PRPF18: variants seen among roughly 807,000 people sequenced by gnomAD.
PRPF18 encodes pre-mRNA processing factor 18, also known as pre-mRNA-splicing factor 18.
PRPF18 carries 38 observed loss-of-function variants against 46.5 expected under a neutral mutation model. That is an observed-to-expected ratio of 0.82 (90% CI 0.63 to 1.07). The LOEUF is 1.07. Ranked by LOEUF, PRPF18 falls within the 50% of genes least tolerant of loss-of-function variation. The pLI is 0.00. For synonymous variants in PRPF18, 152 were observed against 146.7 expected (o/e 1.04, Z -0.26); for missense variants, 263 against 410.0 (o/e 0.64, Z 3.10).
At chr10:13,606,024 C>A (rs918465783) in intron 4 of PRPF18, among the ~76,000 whole-genome samples, 1 of 152,020 alleles carries the variant, frequency 6.6e-6, no homozygotes, top group Admixed American at 6.5e-5. Context: ...GGAAGAATAG[C>A]GAATGGATGC....
At chr10:13,616,265 A>T in intron 8 of PRPF18, 133 bp from the exon 9 acceptor site, 1 of 864,210 alleles carries the variant, frequency 1.2e-6, no homozygotes, top group Non-Finnish European at 1.8e-6. Context: ...AATAACAGTC[A>T]TGGTAATATT....
intron 9 of PRPF18, among the ~76,000 whole-genome samples, chr10:13,625,459 TAGA>T (rs974968064): frequency 3.9e-4 from 60 of 152,286 alleles, no homozygotes; most frequent in African/African-American, 1.4e-3. Flanking sequence ...ATTAGTGGGT[TAGA>T]AGATAAAGTT....
intron 3 of PRPF18, among the ~76,000 whole-genome samples, chr10:13,600,861 C>T (rs889787028): frequency 6.6e-6 from 1 of 152,184 alleles, no homozygotes; most frequent in Non-Finnish European, 1.5e-5. Flanking sequence ...ACTGCAATCT[C>T]TGCCTCCCGG....
At chr10:13,620,300 C>T (rs950513911) in intron 9 of PRPF18, among the ~76,000 whole-genome samples, 1 of 152,210 alleles carries the variant, frequency 6.6e-6, no homozygotes, top group Non-Finnish European at 1.5e-5. Flanking sequence ...GGGCTGAGAA[C>T]CACAGTTTGC....
intron 7 of PRPF18, 47 bp from the exon 8 acceptor site, chr10:13,613,968 A>G (rs1490739825): frequency 6.5e-6 from 10 of 1,544,512 alleles, no homozygotes; most frequent in African/African-American, 5.5e-5. Flanking sequence ...TTTTCCCTAT[A>G]CATCTATACA....
chr10:13,654,460 G>A, the PRPF18 span: 1 of 1,613,798 alleles, frequency 6.2e-7, no homozygotes, highest in South Asian at 1.1e-5. Context: ...TTGGGGGGGT[G>A]GCTCCAATTT....
the PRPF18 span, chr10:13,649,597 T>TTATACAGAATCTTTCTTAGTGCTTCCAC: frequency 6.6e-6 from 1 of 152,232 alleles, no homozygotes; most frequent in African/African-American, 2.4e-5. Context: ...TTGCGATGTT[T>TTATACAGAATCTTTCTTAGTGCTTCCAC]TATACAGAAT....
At chr10:13,649,230 A>C in the PRPF18 span, 1 of 152,258 alleles carries the variant, frequency 6.6e-6, no homozygotes, top group Non-Finnish European at 1.5e-5. Flanking sequence ...CTAAAAGTGC[A>C]CTATGTATTG....
intron 5 of PRPF18, among the ~76,000 whole-genome samples, chr10:13,610,673 T>A (rs1299564029): frequency 6.6e-6 from 1 of 152,200 alleles, no homozygotes; most frequent in Non-Finnish European, 1.5e-5. Flanking sequence ...ACAGCTAGAT[T>A]GTTCCCAGCT....
At chr10:13,643,188 C>T in the PRPF18 span, 85,153 of 152,054 alleles carry the variant, frequency 0.56, 24,242 homozygotes, top group East Asian at 0.79. Flanking sequence ...AGAGGATTAA[C>T]GGTAGTCACA....
intron 6 of PRPF18, 120 bp downstream of exon 6, chr10:13,611,803 A>G (rs1443676953): frequency 1.1e-5 from 8 of 755,128 alleles, no homozygotes; most frequent in Non-Finnish European, 1.8e-5. Flanking sequence ...TTTCTCACAC[A>G]TACATGATGT....
Position 13,587,718 on chromosome 10 carries a change from A to T in PRPF18, c.66+566A>T, listed in dbSNP as rs562049783. On this transcript the variant is annotated intron_variant, in intron 1 of 9. Transcript: ENST00000378572. ...CTCAGAAGGAGTACCTAAAACCCGG[A>T]AAACTTTGTAACCGGGGCCTCGAGC... Among the ~76,000 whole-genome samples, 14 of 152,380 alleles carry T rather than the reference A, an allele frequency of 9.2e-5. No homozygotes were observed. The South Asian group carries it at 2.9e-3, about 32-fold the overall frequency.
At chr10:13,608,816 G>A (rs988765524) in intron 4 of PRPF18, among the ~76,000 whole-genome samples, 10 of 152,224 alleles carry the variant, frequency 6.6e-5, no homozygotes, top group Admixed American at 3.3e-4. Flanking sequence ...ACAAAGCACA[G>A]GAGCACAAGG....
intron 1 of PRPF18, among the ~76,000 whole-genome samples, chr10:13,587,555 A>T (rs1288687700): frequency 1.3e-5 from 2 of 152,350 alleles, no homozygotes; most frequent in Middle Eastern, 3.4e-3. Context: ...ACCACCTCTC[A>T]GATGGGAAGG....
In PRPF18 at chr10:13,591,928, G is replaced by GGT. The variant is rs1564448930; in HGVS notation, c.66+4776_66+4777insGT. On this transcript the variant is annotated intron_variant, in intron 1 of 9. Transcript: ENST00000378572. ...CAGTTTTCTCACGTGTCAACTGAGG[G>GGT]TTTTTTTTTTTTTTTGCCATGGCTC... The GGT allele has an allele frequency of 5.2e-4, 527 of 1,010,218 alleles. 2 individuals carry two copies. Among genetic ancestry groups the GGT allele is most frequent in the East Asian group, 1.6e-3 (33 of 20,540 alleles). 62.6% of individuals were successfully genotyped at this position (1,010,218 alleles called of 1,614,324 possible).
chr10:13,608,707 A>G (rs1016440320), intron 4 of PRPF18, among the ~76,000 whole-genome samples: 2 of 152,086 alleles, frequency 1.3e-5, no homozygotes, highest in South Asian at 2.1e-4. Context: ...GTTTTTCGCT[A>G]TTATTAGAGT....
chr10:13,589,044 G>T (rs2079918860), intron 1 of PRPF18, among the ~76,000 whole-genome samples: 2 of 152,170 alleles, frequency 1.3e-5, no homozygotes. Context: ...AATATGAAAA[G>T]ATCACTTCAT....
At chr10:13,606,325 A>G (rs2080183924) in intron 4 of PRPF18, among the ~76,000 whole-genome samples, 1 of 152,204 alleles carries the variant, frequency 6.6e-6, no homozygotes, top group African/African-American at 2.4e-5. Flanking sequence ...TTCGCTCAGC[A>G]TATCAGTTTT....
the PRPF18 span, chr10:13,643,643 G>A: frequency 6.6e-6 from 1 of 152,598 alleles, no homozygotes; most frequent in African/African-American, 2.4e-5. Context: ...CAGATTCCCA[G>A]TGCACACGCA....
Sources: allele counts gnomAD v4.1 joint callset (sites outside exome capture counted in the v4.1 genomes callset), GRCh38; gene constraint gnomAD v4.1.1; transcripts MANE v1.5; gene names NCBI Gene and HGNC (gene_info 2026-07-23, HGNC 2026-07-21).